HOMER2: variants seen among roughly 807,000 people sequenced by gnomAD.
The protein encoded by HOMER2 is homer protein homolog 2.
HOMER2 carries 27 observed loss-of-function variants against 47.0 expected under a neutral mutation model. That is an observed-to-expected ratio of 0.57 (90% confidence interval 0.42 to 0.79). The LOEUF is 0.79. Ranked by LOEUF, HOMER2 falls within the 30% of genes least tolerant of loss-of-function variation. The pLI is 0.00. For synonymous variants in HOMER2, 161 were observed against 163.8 expected (o/e 0.98, Z 0.13); for missense variants, 443 against 435.0 (o/e 1.02, Z -0.16).
intron 1 of HOMER2, among the ~76,000 whole-genome samples, chr15:82,899,581 T>A (rs1169118854): frequency 6.6e-6 from 1 of 152,220 alleles, no homozygotes; most frequent in African/African-American, 2.4e-5. Context: ...GTTATTCTTA[T>A]TTGCAGATAA....
chr15:82,871,348 C>T (rs931307079), intron 3 of HOMER2, among the ~76,000 whole-genome samples: 1 of 152,126 alleles, frequency 6.6e-6, no homozygotes, highest in African/African-American at 2.4e-5. Context: ...TTTCTCTAGC[C>T]TAGTTATAGT....
chr15:82,859,475 T>C (rs2051702755), intron 4 of HOMER2, among the ~76,000 whole-genome samples: 1 of 152,128 alleles, frequency 6.6e-6, no homozygotes, highest in South Asian at 2.1e-4. Flanking sequence ...TTACGCCTTA[T>C]GGAGAAACCC....
chr15:82,950,069 G>T (rs940955775), intron 1 of HOMER2, among the ~76,000 whole-genome samples: 9 of 152,148 alleles, frequency 5.9e-5, no homozygotes, highest in Non-Finnish European at 1.2e-4. Context: ...CAGCAGGCAG[G>T]TAGGAGAAGG....
At chr15:82,960,293 AGAG>A (rs905849205) in intron 1 of HOMER2, among the ~76,000 whole-genome samples, 5 of 152,190 alleles carry the variant, frequency 3.3e-5, no homozygotes, top group Admixed American at 1.3e-4. Flanking sequence ...GGAACAAATA[AGAG>A]GAGATGTCCA....
At chr15:82,960,740 G>A (rs1266215552) in intron 1 of HOMER2, among the ~76,000 whole-genome samples, 1 of 152,088 alleles carries the variant, frequency 6.6e-6, no homozygotes, top group African/African-American at 2.4e-5. Flanking sequence ...TCAGGCACCC[G>A]GCTCCACTCC....
At position 82,868,523 on chromosome 15, in the gene HOMER2, T is replaced by TATATATATATATATATATATATATATATA. The variant is rs2052055665; in HGVS notation, c.295-4265_295-4264insTATATATATATATATATATATATATATAT. ...AAGTTATATATATCACTTATTTATT[T>TATATATATATATATATATATATATATATA]TATATATATATATATATATTTTTTT... On this transcript the variant is annotated intron_variant, in intron 3 of 8. Coordinates refer to ENST00000450735, the MANE Select transcript of HOMER2 (RefSeq NM_004839.4). Among the ~76,000 whole-genome samples the TATATATATATATATATATATATATATATA allele has an allele frequency of 2.2e-4, 8 of 36,632 alleles. 1 individual carries two copies. The highest frequency in any genetic ancestry group is 3.6e-3 in the South Asian group (2 of 556). 24.0% of individuals were successfully genotyped at this position (36,632 alleles called of 152,430 possible).
At chr15:82,865,733 G>A (rs375376763) in intron 3 of HOMER2, among the ~76,000 whole-genome samples, 1 of 152,332 alleles carries the variant, frequency 6.6e-6, no homozygotes, top group East Asian at 1.9e-4. Context: ...GTGACTAGGA[G>A]GGGCCAAGGG....
At chr15:82,850,213 G>A (rs2051347277) in intron 8 of HOMER2, among the ~76,000 whole-genome samples, 1 of 152,260 alleles carries the variant, frequency 6.6e-6, no homozygotes, top group Non-Finnish European at 1.5e-5. Flanking sequence ...ACCTCACACA[G>A]GGCCCAGCAG....
chr15:82,928,940 TAAAA>T lies in HOMER2; in HGVS notation c.5+23587_5+23590del. On this transcript the variant is annotated intron_variant, in intron 1 of 8. Coordinates refer to ENST00000450735, the MANE Select transcript of HOMER2 (RefSeq NM_004839.4). ...TAACAACTGGCAAAAAAATAAAAACTAAAAAAAAAAAAAAAAAAAAGCTGTCATG... is the reference window on the plus strand; with the variant it reads ...TAACAACTGGCAAAAAAATAAAAACTAAAAAAAAAAAAAAAAGCTGTCATG... Among the ~76,000 whole-genome samples, 17 of 39,924 alleles carry T rather than the reference TAAAA, an allele frequency of 4.3e-4. 2 individuals are homozygous for T. The highest frequency in any genetic ancestry group is 7.8e-4 in the Admixed American group (2 of 2,570). 26.2% of individuals were successfully genotyped at this position (39,924 alleles called of 152,430 possible).
At chr15:82,984,038 T>TA (rs1053570729) in intron 1 of HOMER2, among the ~76,000 whole-genome samples, 11 of 138,922 alleles carry the variant, frequency 7.9e-5, no homozygotes, top group Admixed American at 5.8e-4. Context: ...TATTATTATT[T>TA]TTTTTTTTTT....
upstream of HOMER2, among the ~76,000 whole-genome samples, chr15:82,953,208 G>A (rs1230497666): frequency 6.6e-6 from 1 of 152,058 alleles, no homozygotes; most frequent in East Asian, 1.9e-4. Flanking sequence ...GCCCGGCCGA[G>A]TGGCCTTAAG....
At chr15:82,875,715 C>G (rs2151071078) in intron 2 of HOMER2, among the ~76,000 whole-genome samples, 1 of 152,296 alleles carries the variant, frequency 6.6e-6, no homozygotes, top group South Asian at 2.1e-4. Flanking sequence ...TATTTATTTC[C>G]CCAAAGCTGC....
chr15:82,943,776 A>G (rs2054314064), intron 1 of HOMER2, among the ~76,000 whole-genome samples: 1 of 152,240 alleles, frequency 6.6e-6, no homozygotes, highest in African/African-American at 2.4e-5. Context: ...CTCACTGGTG[A>G]TCTGGACAGA....
chr15:82,963,266 T>C (rs1482399788), intron 1 of HOMER2, among the ~76,000 whole-genome samples: 2 of 151,840 alleles, frequency 1.3e-5, no homozygotes, highest in African/African-American at 2.4e-5. Context: ...TTTTTTTAAG[T>C]TTTTGTAGAT....
chr15:82,861,000 A>AAG (rs2051770094), intron 4 of HOMER2, among the ~76,000 whole-genome samples: 1 of 143,984 alleles, frequency 6.9e-6, no homozygotes, highest in Non-Finnish European at 1.5e-5. Context: ...AGAGAAAGGA[A>AAG]AGAAAGAAAA....
At chr15:82,877,481 A>G (rs965632513) in intron 2 of HOMER2, among the ~76,000 whole-genome samples, 2 of 152,176 alleles carry the variant, frequency 1.3e-5, no homozygotes, top group Admixed American at 6.5e-5. Flanking sequence ...GATTTGGGAA[A>G]GGTTAAACTA....
At chr15:82,850,273 T>C (rs775765325) in intron 8 of HOMER2, among the ~76,000 whole-genome samples, 4 of 152,216 alleles carry the variant, frequency 2.6e-5, no homozygotes, top group Non-Finnish European at 5.9e-5. Context: ...CACATTTCAG[T>C]TCCATCCTGA....
intron 1 of HOMER2, among the ~76,000 whole-genome samples, chr15:82,961,542 T>C (rs2054630478): frequency 6.6e-6 from 1 of 152,262 alleles, no homozygotes. Flanking sequence ...TAAATTCCTG[T>C]GCTTCACTGG....
At chr15:82,875,513 G>T in intron 2 of HOMER2, 109 bp from the exon 3 acceptor site, 2 of 1,189,906 alleles carry the variant, frequency 1.7e-6, no homozygotes, top group African/African-American at 1.5e-5. Context: ...TGTATCCTCT[G>T]CCCTGTTAAA....
Sources: allele counts gnomAD v4.1 joint callset (sites outside exome capture counted in the v4.1 genomes callset), GRCh38; gene constraint gnomAD v4.1.1; transcripts MANE v1.5; gene names NCBI Gene and HGNC (gene_info 2026-07-23, HGNC 2026-07-21).